The following TTLL5 variants were observed in gnomAD, a reference collection of about 807,000 sequenced individuals.
TTLL5 encodes tubulin tyrosine ligase like 5, also known as tubulin polyglutamylase TTLL5.
TTLL5 carries 132 observed loss-of-function variants against 168.4 expected under a neutral mutation model. That is an observed-to-expected ratio of 0.78 (90% confidence interval 0.68 to 0.91). TTLL5 has a LOEUF of 0.91. TTLL5 is among the 40% of genes least tolerant of loss of function. The pLI is 0.00. For missense variants in TTLL5, 1,545 were observed against 1,581.5 expected (o/e 0.98, Z 0.39); for synonymous variants, 546 against 558.6 (o/e 0.98, Z 0.32).
At chr14:75,704,141 C>T (rs1181291912) in intron 7 of TTLL5, among the ~76,000 whole-genome samples, 1 of 152,190 alleles carries the variant, frequency 6.6e-6, no homozygotes, top group East Asian at 1.9e-4. Flanking sequence ...GGTTGTAACT[C>T]AGGTCCAGAT....
At chr14:75,787,813 A>G (rs891282802) in intron 26 of TTLL5, among the ~76,000 whole-genome samples, 2 of 152,228 alleles carry the variant, frequency 1.3e-5, no homozygotes, top group Non-Finnish European at 2.9e-5. Flanking sequence ...CCACATTGCA[A>G]TTAAGTTGAA....
chr14:75,701,099 A>C (rs865949075), intron 7 of TTLL5, among the ~76,000 whole-genome samples: 1 of 150,810 alleles, frequency 6.6e-6, no homozygotes, highest in African/African-American at 2.4e-5. Context: ...TTATCCATTT[A>C]TTATTCATTT....
chr14:75,673,827 A>G (rs7156878), intron 3 of TTLL5, among the ~76,000 whole-genome samples: 146,723 of 152,294 alleles, frequency 0.96, 70,719 homozygotes, highest in African/African-American at 0.99. Flanking sequence ...TGTTCTAGTC[A>G]CCTCAGCAAG....
chr14:75,766,132 A>C lies in TTLL5; in HGVS notation c.1779A>C (p.Leu593Phe), dbSNP rs773675871. 4 of 1,614,102 alleles carry C rather than the reference A, an allele frequency of 2.5e-6. No homozygotes were observed. The East Asian group carries it at 8.9e-5, about 36-fold the overall frequency. ...GTGAAGAGGAGGAAGAAGTCGCATT[A>C]GATAATGAAGATGAAGAACAGGAGG... is the stretch of plus-strand genomic sequence containing the variant. ...TESEEEEEVA[L>F]DNEDEEQEAS... Residue 593 changes from leucine to phenylalanine, a missense_variant, in exon 20 of 32, where the codon TTA (leucine) becomes TTC (phenylalanine). Physicochemically the swap from Leu to Phe is conservative, Grantham distance 22. Coordinates refer to ENST00000298832, the MANE Select transcript of TTLL5 (RefSeq NM_015072.5).
At chr14:75,911,637 G>A (rs915453836) in intron 31 of TTLL5, among the ~76,000 whole-genome samples, 12 of 152,116 alleles carry the variant, frequency 7.9e-5, no homozygotes, top group Non-Finnish European at 1.3e-4. Flanking sequence ...GGGAAATTAA[G>A]ACTTGTGACA....
chr14:75,862,843 G>A (rs776956956), intron 28 of TTLL5, among the ~76,000 whole-genome samples: 2 of 152,144 alleles, frequency 1.3e-5, no homozygotes, highest in Non-Finnish European at 2.9e-5. Flanking sequence ...CTTCTCAGGA[G>A]GCTGAGGTGG....
Position 75,954,741 on chromosome 14 carries a change from C to T in TTLL5, c.*295C>T, listed in dbSNP as rs966532542. On this transcript the variant is annotated 3_prime_UTR_variant, in exon 32 of 32. Transcript: ENST00000298832. ...ACTTGTATCTTTTACCTTCCCTTTGCCCCATGCCCCCAAACTGCTTAGGTC... is the reference window on the plus strand; with the variant it reads ...ACTTGTATCTTTTACCTTCCCTTTGTCCCATGCCCCCAAACTGCTTAGGTC... 4.5e-6 allele frequency: 2 copies of T among 445,730 alleles called. No individual in the cohort carries two copies. Among genetic ancestry groups the T allele is most frequent in the Admixed American group, 3.5e-5 (1 of 28,572 alleles). The allele number at this position is 445,730 out of a possible 1,614,324, so 27.6% of individuals were successfully genotyped here. A position where few individuals can be genotyped will look rare whatever the true frequency, so the allele number is the denominator to read the frequency against.
intron 28 of TTLL5, among the ~76,000 whole-genome samples, chr14:75,832,434 T>G (rs1011962346): frequency 6.6e-6 from 1 of 152,222 alleles, no homozygotes; most frequent in African/African-American, 2.4e-5. Flanking sequence ...TAACTGTCTT[T>G]TCTTTCTTTC....
At chr14:75,898,034 T>C (rs2032750364) in intron 30 of TTLL5, among the ~76,000 whole-genome samples, 1 of 152,342 alleles carries the variant, frequency 6.6e-6, no homozygotes, top group African/African-American at 2.4e-5. Flanking sequence ...CTTTTCAGTA[T>C]TTCTCACTGT....
At chr14:75,947,971 A>G (rs1392511797) in intron 31 of TTLL5, among the ~76,000 whole-genome samples, 1 of 151,834 alleles carries the variant, frequency 6.6e-6, no homozygotes, top group Non-Finnish European at 1.5e-5. Context: ...TTTTAACTAC[A>G]TCATTAACAG....
At chr14:75,933,336 G>T (rs1300470274) in intron 31 of TTLL5, among the ~76,000 whole-genome samples, 1 of 152,178 alleles carries the variant, frequency 6.6e-6, no homozygotes, top group East Asian at 1.9e-4. Flanking sequence ...GGTTGCATGT[G>T]CCTGTAGTCC....
At chr14:75,673,367 G>T (rs1883890350) in intron 3 of TTLL5, among the ~76,000 whole-genome samples, 1 of 152,194 alleles carries the variant, frequency 6.6e-6, no homozygotes, top group Admixed American at 6.5e-5. Flanking sequence ...TTTAAGCAGT[G>T]CTCTGAGCCC....
chr14:75,902,627 C>T (rs1350619153), intron 31 of TTLL5: 4 of 458,512 alleles, frequency 8.7e-6, no homozygotes, highest in Non-Finnish European at 1.8e-5. Flanking sequence ...AAGTTGAGGG[C>T]TTGTTGAAGT....
chr14:75,872,859 C>T (rs971743498), intron 29 of TTLL5, among the ~76,000 whole-genome samples: 4 of 146,696 alleles, frequency 2.7e-5, no homozygotes, highest in African/African-American at 1.0e-4. Flanking sequence ...TGCAGTGAGC[C>T]AAGATCGTGG....
At chr14:75,744,520 CA>C (rs1889476749) in intron 15 of TTLL5, 1 of 152,364 alleles carries the variant, frequency 6.6e-6, no homozygotes, top group Non-Finnish European at 1.5e-5. Flanking sequence ...CCAGCAACCA[CA>C]GTGATAGCCT....
At chr14:75,926,080 GCC>G (rs1391054226) in intron 31 of TTLL5, among the ~76,000 whole-genome samples, 3 of 149,948 alleles carry the variant, frequency 2.0e-5, no homozygotes, top group African/African-American at 7.5e-5. Context: ...TGGGCCGTGG[GCC>G]GTGGGGAGAG....
intron 30 of TTLL5, among the ~76,000 whole-genome samples, chr14:75,888,229 A>T (rs957009227): frequency 1.3e-5 from 2 of 152,136 alleles, no homozygotes; most frequent in African/African-American, 4.8e-5. Context: ...GGGTGCTACA[A>T]CCACACCTAA....
intron 31 of TTLL5, among the ~76,000 whole-genome samples, chr14:75,944,204 C>T (rs375751219): frequency 3.3e-5 from 5 of 152,162 alleles, no homozygotes; most frequent in African/African-American, 7.2e-5. Context: ...GATTCACTGC[C>T]GCTAACATAT....
At chr14:75,786,208 A>G (rs1181715752) in intron 26 of TTLL5, among the ~76,000 whole-genome samples, 1 of 152,150 alleles carries the variant, frequency 6.6e-6, no homozygotes, top group Non-Finnish European at 1.5e-5. Flanking sequence ...AATTTTCTAA[A>G]ATCGGTAATA....
Sources: allele counts gnomAD v4.1 joint callset (sites outside exome capture counted in the v4.1 genomes callset), GRCh38; gene constraint gnomAD v4.1.1; transcripts MANE v1.5; gene names NCBI Gene and HGNC (gene_info 2026-07-23, HGNC 2026-07-21).